ZHX3: variants seen among roughly 807,000 people sequenced by gnomAD.
ZHX3 encodes the protein zinc fingers and homeoboxes 3, also known as zinc fingers and homeoboxes protein 3.
Under a neutral mutation model 64.5 loss-of-function variants are expected in ZHX3, and 20 were observed. The ratio of observed to expected loss-of-function variants is 0.31; its 90% CI spans 0.22 to 0.45. The LOEUF is 0.45. ZHX3 is among the 20% of genes least tolerant of loss of function. The pLI is 1.00. For missense variants in ZHX3, 1,041 were observed against 1,195.8 expected (o/e 0.87, Z 1.91); for synonymous variants, 423 against 461.6 (o/e 0.92, Z 1.07).
intron 2 of ZHX3, among the ~76,000 whole-genome samples, chr20:41,207,266 A>G (rs2038792925): frequency 6.6e-6 from 1 of 152,216 alleles, no homozygotes; most frequent in Non-Finnish European, 1.5e-5. Context: ...TAACCAGCTA[A>G]CATCATAATG....
At position 41,204,095 on chromosome 20, in the gene ZHX3, G is replaced by A. The variant is rs770605879; in HGVS notation, c.822C>T (p.Leu274=). The A allele has an allele frequency of 3.1e-6, 5 of 1,608,296 alleles. No homozygotes were observed. Among genetic ancestry groups the A allele is most frequent in the African/African-American group, 1.3e-5 (1 of 74,904 alleles). The change falls in exon 3 of 4, where the codon CTC becomes CTT. Residue 274 remains leucine, a synonymous_variant. Transcript: ENST00000683867. This position sits in a 1 kb window ranked among gnomAD's most constrained non-coding sequence, Gnocchi z 6.6. ...LPAGIAQFLS[L]QQQPPVHAQH... ...GGGCATGCACTGGGGGCTGCTGCTG[G>A]AGGGAGAGGAACTGTGCTATGCCAG...
chr20:41,214,293 A>T (rs1014279926), intron 2 of ZHX3, among the ~76,000 whole-genome samples: 4 of 152,210 alleles, frequency 2.6e-5, no homozygotes, highest in Admixed American at 2.0e-4. Flanking sequence ...CATTTCACTC[A>T]TAATAAACCC....
rs2039767138 is a variant in ZHX3, at chr20:41,219,122, G to GT, written c.-150-14057dup. On this transcript the variant is annotated intron_variant, in intron 2 of 3. Transcript: ENST00000683867. This position sits in a 1 kb window ranked among gnomAD's most constrained non-coding sequence, Gnocchi z 5.0. ...TTTTTTGTATTTTTATTAGAGACGG[G>GT]TTTTCACCGTGTTAGCGAGCATGGT... Among the ~76,000 whole-genome samples the GT allele has an allele frequency of 1.3e-5, 2 of 151,760 alleles. No individual in the cohort carries two copies. Among genetic ancestry groups the GT allele is most frequent in the African/African-American group, 4.8e-5 (2 of 41,294 alleles).
intron 1 of ZHX3, among the ~76,000 whole-genome samples, chr20:41,277,765 G>A (rs1420542617): frequency 1.5e-5 from 2 of 131,424 alleles, no homozygotes; most frequent in Non-Finnish European, 3.3e-5. Flanking sequence ...CTAATTTTTT[G>A]TATTTTTAGT....
At chr20:41,308,641 A>G (rs2045045364) in intron 1 of ZHX3, among the ~76,000 whole-genome samples, 1 of 152,206 alleles carries the variant, frequency 6.6e-6, no homozygotes, top group Non-Finnish European at 1.5e-5. Flanking sequence ...GTGGTCAGCC[A>G]AGAATGACTA....
At chr20:41,229,564 CT>C (rs1222175597) in intron 2 of ZHX3, among the ~76,000 whole-genome samples, 1 of 152,116 alleles carries the variant, frequency 6.6e-6, no homozygotes, top group African/African-American at 2.4e-5. Context: ...ATGGCAATAT[CT>C]GTTATTTTCT....
At chr20:41,210,949 GACATT>G (rs2039117145) in intron 2 of ZHX3, among the ~76,000 whole-genome samples, 1 of 152,058 alleles carries the variant, frequency 6.6e-6, no homozygotes, top group African/African-American at 2.4e-5. Flanking sequence ...ACACTATCCA[GACATT>G]ACATAACATC....
intron 2 of ZHX3, among the ~76,000 whole-genome samples, chr20:41,231,051 A>G (rs995339993): frequency 6.6e-6 from 1 of 152,128 alleles, no homozygotes; most frequent in Admixed American, 6.5e-5. Flanking sequence ...ACTCCTGGCA[A>G]CCACTGATCA....
At position 41,184,854 on chromosome 20, in the gene ZHX3, A is replaced by T; in HGVS notation, c.*337T>A. 6.8e-7 allele frequency: 1 copy of T among 1,465,418 alleles called. No individual in the cohort carries two copies. The highest frequency in any genetic ancestry group is 9.1e-7 in the Non-Finnish European group (1 of 1,104,482). 90.8% of individuals were successfully genotyped at this position (1,465,418 alleles called of 1,614,324 possible). A position where few individuals can be genotyped will look rare whatever the true frequency, so the allele number is the denominator to read the frequency against. On this transcript the variant is annotated 3_prime_UTR_variant, in exon 4 of 4. Transcript: ENST00000683867. ...TTGATAATCTGATGTTTTATTTAAC[A>T]TATAGAGGTGGATGTATATGTTAAA... is the stretch of plus-strand genomic sequence containing the variant.
intron 1 of ZHX3, among the ~76,000 whole-genome samples, chr20:41,290,111 C>T (rs2044153744): frequency 6.6e-6 from 1 of 152,176 alleles, no homozygotes; most frequent in African/African-American, 2.4e-5. Flanking sequence ...CACTAGAACT[C>T]CACAGTCTTC....
intron 1 of ZHX3, among the ~76,000 whole-genome samples, chr20:41,299,590 G>A (rs111911597): frequency 3.9e-5 from 6 of 152,120 alleles, no homozygotes; most frequent in South Asian, 2.1e-4. Context: ...GGCTAGGTGC[G>A]GTGGCTCATG....
Position 41,204,078 on chromosome 20 carries a change from A to G in ZHX3, c.839T>C (p.Val280Ala). 1 of 1,610,812 alleles carries G rather than the reference A, an allele frequency of 6.2e-7. No individual in the cohort carries two copies. Among genetic ancestry groups the G allele is most frequent in the Non-Finnish European group, 8.5e-7 (1 of 1,178,044 alleles). ...QFLSLQQQPP[V>A]HAQHHVHQPL... ...CTGGTGGACATGGTGTTGGGCATGC[A>G]CTGGGGGCTGCTGCTGGAGGGAGAG... The change falls in exon 3 of 4, where the codon GTG becomes GCG. Residue 280 changes from valine (V) to alanine (A), a missense_variant. By Grantham distance (64) the Val-to-Ala change is moderately conservative. This residue lies in a region of ZHX3 where 358 missense variants were observed against 369.1 expected (regional missense o/e 0.97). Transcript: ENST00000683867. This position sits in a 1 kb window ranked among gnomAD's most constrained non-coding sequence, Gnocchi z 6.6.
chr20:41,280,162 A>G (rs1417255141), intron 1 of ZHX3, among the ~76,000 whole-genome samples: 1 of 151,888 alleles, frequency 6.6e-6, no homozygotes, highest in Non-Finnish European at 1.5e-5. Flanking sequence ...CAGGACCAGC[A>G]CTCCTGTACT....
At chr20:41,266,415 T>A (rs2042849840) in intron 2 of ZHX3, among the ~76,000 whole-genome samples, 1 of 152,120 alleles carries the variant, frequency 6.6e-6, no homozygotes, top group South Asian at 2.1e-4. Context: ...AATGTCCCCA[T>A]CCTACCAGTT....
intron 1 of ZHX3, among the ~76,000 whole-genome samples, chr20:41,299,204 T>C (rs2044689257): frequency 6.6e-6 from 1 of 152,238 alleles, no homozygotes; most frequent in Non-Finnish European, 1.5e-5. Context: ...ACTTGGGCAG[T>C]CTTATTCCAT....
At position 41,267,953 on chromosome 20, in the gene ZHX3, A is replaced by G. The variant is rs557105552; in HGVS notation, c.-151+1037T>C. Among the ~76,000 whole-genome samples the G allele has an allele frequency of 2.0e-5, 3 of 152,352 alleles. No homozygotes were observed. The South Asian group carries it at 6.2e-4, about 32-fold the overall frequency. ...GAGGATTGATATATAAAGCCACTAA[A>G]CAGTTTTACTCAATTTTAAGACTCA... On this transcript the variant is annotated intron_variant, in intron 2 of 3. Transcript: ENST00000683867.
Position 41,201,462 on chromosome 20 carries a change from T to C in ZHX3, c.2860+595A>G, listed in dbSNP as rs561722067. ...CTTAAATAAAAATAATCTTCTATGA[T>C]ACATTTTGCTTTCGAGTACAATCCA... is the stretch of plus-strand genomic sequence containing the variant. On this transcript the variant is annotated intron_variant, in intron 3 of 3. Coordinates refer to ENST00000683867, the MANE Select transcript of ZHX3 (RefSeq NM_001384317.1). The surrounding 1 kb of genome is among the most constrained non-coding windows in gnomAD (Gnocchi z 5.0). 2.7e-5 allele frequency: 31 copies of C among 1,147,600 alleles called. No individual in the cohort carries two copies. The highest frequency in any genetic ancestry group is 2.0e-4 in the South Asian group (15 of 76,046). 71.1% of individuals were successfully genotyped at this position (1,147,600 alleles called of 1,614,324 possible).
At position 41,180,855 on chromosome 20, in the gene ZHX3, T is replaced by C. The variant is rs2036224836; in HGVS notation, c.*4336A>G. On this transcript the variant is annotated 3_prime_UTR_variant, in exon 4 of 4. Transcript: ENST00000683867. ...AAACTGGTTGCCTCACCAGCCCTGGTGTGGCATGGCCCAACCATGTCCCTG... is the reference window on the plus strand; with the variant it reads ...AAACTGGTTGCCTCACCAGCCCTGGCGTGGCATGGCCCAACCATGTCCCTG... 1 of 152,254 alleles carries C rather than the reference T, an allele frequency of 6.6e-6. No individual in the cohort carries two copies. The highest frequency in any genetic ancestry group is 2.4e-5 in the African/African-American group (1 of 41,440). The allele number at this position is 152,254 out of a possible 1,614,324, so 9.4% of individuals were successfully genotyped here.
chr20:41,215,663 G>A (rs193241300), intron 2 of ZHX3, among the ~76,000 whole-genome samples: 314 of 151,756 alleles, frequency 2.1e-3, no homozygotes, highest in East Asian at 6.8e-3. Context: ...GGCCAGGCGC[G>A]GTGGCTCACG....
Sources: allele counts gnomAD v4.1 joint callset (sites outside exome capture counted in the v4.1 genomes callset), GRCh38; gene constraint gnomAD v4.1.1; regional missense constraint gnomAD v4.1.1; non-coding constraint Gnocchi (gnomAD v3.1); transcripts MANE v1.5; gene names NCBI Gene and HGNC (gene_info 2026-07-23, HGNC 2026-07-21).